Variants in SLC39A4 observed in about 807,000 individuals in gnomAD.
SLC39A4 encodes the protein solute carrier family 39 member 4.
In SLC39A4, 49 loss-of-function variants were observed where a neutral mutation model predicts 56.6. The ratio of observed to expected loss-of-function variants is 0.87; its 90% CI spans 0.69 to 1.10. The LOEUF (loss-of-function observed/expected upper bound fraction) is 1.10. Among genes scored for constraint, SLC39A4 ranks in the 50% least tolerant of loss-of-function variants. The pLI is 0.00. For synonymous variants in SLC39A4, 540 were observed against 420.4 expected (o/e 1.28, Z -3.48); for missense variants, 993 against 864.2 (o/e 1.15, Z -1.87).
At chr8:144,414,592 T>A in intron 5 of SLC39A4, 133 bp downstream of exon 5, 1 of 1,496,964 alleles carries the variant, frequency 6.7e-7, no homozygotes, top group South Asian at 1.3e-5. Flanking sequence ...CGACGCCACC[T>A]TCCCCTGTGT....
At chr8:144,413,141 C>T in intron 10 of SLC39A4, 96 bp downstream of exon 10, 4 of 1,508,222 alleles carry the variant, frequency 2.7e-6, no homozygotes, top group South Asian at 1.2e-5. Flanking sequence ...AGGTGCGGCC[C>T]CGCCCATCTT....
At position 144,412,875 on chromosome 8, in the gene SLC39A4, G is replaced by A; in HGVS notation, c.1699C>T (p.Leu567Phe). Reference protein sequence around the residue: ...QALLLNLASALTAFAGLYVAL... With the variant: ...QALLLNLASAFTAFAGLYVAL... ...ACGTAGAGACCAGCGAAGGCCGTGA[G>A]CGCGGAGGCCAGGTTCAGCAGCAGT... is the stretch of plus-strand genomic sequence containing the variant. The change falls in exon 11 of 12, where the codon CTC (leucine) becomes TTC (phenylalanine). Residue 567 changes from leucine to phenylalanine, a missense_variant. By Grantham distance (22) the Leu-to-Phe change is conservative. Coordinates refer to ENST00000301305, the MANE Select transcript of SLC39A4 (RefSeq NM_130849.4). 7 of 1,611,412 alleles carry A rather than the reference G, an allele frequency of 4.3e-6. No homozygotes were observed. Among genetic ancestry groups the A allele is most frequent in the Non-Finnish European group, 5.9e-6 (7 of 1,179,798 alleles).
Position 144,412,950 on chromosome 8 carries a change from C to T in SLC39A4, c.1628-4G>A, listed in dbSNP as rs1554872101. ...TGCAGCAAGGCGGCGAAGTCCCCTG[C>T]GGGCGAGTCCACATTAACAGCTCCG... On this transcript the variant is annotated splice_polypyrimidine_tract_variant and splice_region_variant and intron_variant, in intron 10 of 11. Transcript: ENST00000301305. 17 of 1,592,344 alleles carry T rather than the reference C, an allele frequency of 1.1e-5. No individual in the cohort carries two copies. Among genetic ancestry groups the T allele is most frequent in the Non-Finnish European group, 1.4e-5 (17 of 1,174,836 alleles).
At chr8:144,413,718 C>T in intron 8 of SLC39A4, 32 bp downstream of exon 8, 1 of 1,535,028 alleles carries the variant, frequency 6.5e-7, no homozygotes, top group Non-Finnish European at 8.7e-7. Context: ...GGAGGGGCTC[C>T]GCGTGGGATG....
At chr8:144,413,636 C>A in intron 8 of SLC39A4, 69 bp from the exon 9 acceptor site, 4 of 1,546,492 alleles carry the variant, frequency 2.6e-6, no homozygotes, top group Non-Finnish European at 3.5e-6. Flanking sequence ...GGCGGGGCCC[C>A]AGATCACCGC....
rs782604200 is a variant in SLC39A4, at chr8:144,416,686, C to G, written c.104G>C (p.Gly35Ala). Residue 35 changes from glycine to alanine, a missense_variant, in exon 1 of 12, where the codon GGC (glycine) becomes GCC (alanine). By Grantham distance (60) the Gly-to-Ala change is moderately conservative (BLOSUM62 0). Transcript: ENST00000301305. ...PAGLLSLLTS[G>A]QGALDQEALG... ...AGCCTCTTGATCCAGAGCGCCCTGG[C>G]CAGAGGTGAGCAGGCTCAGCAGACC... 6 of 1,612,284 alleles carry G rather than the reference C, an allele frequency of 3.7e-6. No individual in the cohort carries two copies. The Admixed American group carries it at 5.0e-5, about 13-fold the overall frequency.
chr8:144,414,129 TCCCAGGGCGCCTCCCA>T, intron 6 of SLC39A4, 34 bp from the exon 7 acceptor site: 1 of 1,544,014 alleles, frequency 6.5e-7, no homozygotes. Flanking sequence ...GGGGGGGAGG[TCCCAGGGCGCCTCCCA>T]CCAAGACCCA....
chr8:144,416,587 G>A lies in SLC39A4; in HGVS notation c.192+11C>T. On this transcript the variant is annotated intron_variant, in intron 1 of 11. Coordinates refer to ENST00000301305, the MANE Select transcript of SLC39A4 (RefSeq NM_130849.4). Reference sequence around the variant, plus strand: ...GCCAGGGCTGGGGGACCCGTCGGGTGGGGCTGTTACCTTTCCACACGGCCC... The same window carrying A: ...GCCAGGGCTGGGGGACCCGTCGGGTAGGGCTGTTACCTTTCCACACGGCCC... The A allele has an allele frequency of 5.7e-6, 9 of 1,570,328 alleles. No individual in the cohort carries two copies. The highest frequency in any genetic ancestry group is 7.8e-6 in the Non-Finnish European group (9 of 1,159,334).
At chr8:144,416,541 G>A in intron 1 of SLC39A4, 57 bp downstream of exon 1, 5 of 1,536,270 alleles carry the variant, frequency 3.3e-6, no homozygotes, top group South Asian at 2.4e-5. Context: ...CCGGCTGGCA[G>A]GGCGGAGCTG....
chr8:144,414,288 C>T lies in SLC39A4; in HGVS notation c.1123G>A (p.Asp375Asn), dbSNP rs781997650. The change falls in exon 6 of 12, where the codon GAC becomes AAC. Residue 375 changes from aspartate to asparagine, a missense_variant. By Grantham distance (23) the Asp-to-Asn change is conservative (BLOSUM62 1). Coordinates refer to ENST00000301305, the MANE Select transcript of SLC39A4 (RefSeq NM_130849.4). Reference protein sequence around the residue: ...LSLAVGAVTGDAVLHLTPKVL... With the variant: ...LSLAVGAVTGNAVLHLTPKVL... ...TTGGGCGTCAGATGCAGGACAGCGTCCCCAGTGACTGCACCCACTGCCAGG... is the reference window on the plus strand; with the variant it reads ...TTGGGCGTCAGATGCAGGACAGCGTTCCCAGTGACTGCACCCACTGCCAGG... 1.2e-6 allele frequency: 2 copies of T among 1,608,830 alleles called. No individual in the cohort carries two copies. The highest frequency in any genetic ancestry group is 2.7e-5 in the African/African-American group (2 of 74,872).
Position 144,415,261 on chromosome 8 carries a change from C to T in SLC39A4, c.633G>A (p.Gln211=). 1 of 1,613,260 alleles carries T rather than the reference C, an allele frequency of 6.2e-7. No individual in the cohort carries two copies. The highest frequency in any genetic ancestry group is 8.5e-7 in the Non-Finnish European group (1 of 1,179,872). ...TCATAGGGACCTCGCTGCTGTGCTG[C>T]TGGAACACAAAGTCCACGAAGTACT... The part of the protein sequence containing the change: ...SPQYFVDFVF[Q]QHSSEVPMTL... Residue 211 remains glutamine (Q), a synonymous_variant, in exon 3 of 12, where the codon CAG becomes CAA. Coordinates refer to ENST00000301305, the MANE Select transcript of SLC39A4 (RefSeq NM_130849.4).
intron 1 of SLC39A4, 136 bp downstream of exon 1, chr8:144,416,462 G>A: frequency 4.1e-6 from 6 of 1,466,426 alleles, no homozygotes; most frequent in Non-Finnish European, 5.4e-6. Flanking sequence ...CCTGTGGGGA[G>A]GGTCAGGGTG....
chr8:144,415,034 G>A lies in SLC39A4; in HGVS notation c.744C>T (p.Ala248=), dbSNP rs201676788. 7.8e-5 allele frequency: 126 copies of A among 1,611,634 alleles called. 1 individual carries two copies. The African/African-American group carries it at 1.3e-3, about 17-fold the overall frequency. The change falls in exon 4 of 12, where the codon GCC becomes GCT. Residue 248 remains alanine (A), a synonymous_variant. Coordinates refer to ENST00000301305, the MANE Select transcript of SLC39A4 (RefSeq NM_130849.4). ...HSDHSHRHRG[A]SSRDPVPLIS... The stretch of plus-strand genomic sequence containing the variant: ...TGAGGGGCACAGGGTCCCGGCTGCT[G>A]GCTCCCCTGTGCCGATGACTGTGGT...
rs1283834348 is a variant in SLC39A4, at chr8:144,412,613, C to A, written c.1869G>T (p.Leu623=). The A allele has an allele frequency of 8.1e-6, 13 of 1,614,032 alleles. No homozygotes were observed. The highest frequency in any genetic ancestry group is 1.0e-5 in the Non-Finnish European group (12 of 1,180,042). ...RDPRPWLLFL[L]HNVGLLGGWT... ...AGCCGCCCAGCAGGCCCACGTTGTG[C>A]AGCAGGAAGAGGAGCCAGGGCCGCG... The change falls in exon 12 of 12, where the codon CTG becomes CTT. Residue 623 remains leucine, a synonymous_variant. Coordinates refer to ENST00000301305, the MANE Select transcript of SLC39A4 (RefSeq NM_130849.4).
Position 144,416,101 on chromosome 8 carries a change from G to C in SLC39A4, c.193-10C>G, listed in dbSNP as rs374175065. On this transcript the variant is annotated splice_polypyrimidine_tract_variant and intron_variant, in intron 1 of 11. Coordinates refer to ENST00000301305, the MANE Select transcript of SLC39A4 (RefSeq NM_130849.4). The stretch of plus-strand genomic sequence containing the variant: ...CCTCCACAGACAGGCACTGTGGGCA[G>C]AGACAAGTGAGCAGGGGCGCTGGGC... 4.4e-6 allele frequency: 7 copies of C among 1,600,794 alleles called. No homozygotes were observed. Among genetic ancestry groups the C allele is most frequent in the Non-Finnish European group, 5.9e-6 (7 of 1,177,020 alleles).
chr8:144,415,925 G>T lies in SLC39A4; in HGVS notation c.359C>A (p.Ala120Asp). 6.3e-7 allele frequency: 1 copy of T among 1,595,698 alleles called. No homozygotes were observed. Among genetic ancestry groups the T allele is most frequent in the Non-Finnish European group, 8.5e-7 (1 of 1,173,762 alleles). Residue 120 changes from alanine (A) to aspartate (D), a missense_variant, in exon 2 of 12, where the codon GCC (alanine) becomes GAC (aspartate). Physicochemically the swap from Ala to Asp is moderately radical, Grantham distance 126. Transcript: ENST00000301305. ...GGCCAGGAGGTGGTCTGCATGAGAG[G>T]CCCAGAGGCCAGCCCGAGCGTCCTC... ...TCEDARAGLW[A>D]SHADHLLALL...
Position 144,413,528 on chromosome 8 carries a change from T to A in SLC39A4, c.1459A>T (p.Arg487Trp). ...ESPELLNPEP[R>W]RLSPELRLLP... ...CTGGGCTCACCTGGGCTCAGTCTCC[T>A]GGGCTCAGGGTTCAGCAGCTCCGGG... The change falls in exon 9 of 12, where the codon AGG becomes TGG. Residue 487 changes from arginine (R) to tryptophan (W), a missense_variant. By Grantham distance (101) the Arg-to-Trp change is moderately radical. Coordinates refer to ENST00000301305, the MANE Select transcript of SLC39A4 (RefSeq NM_130849.4). 6.4e-7 allele frequency: 1 copy of A among 1,556,826 alleles called. No homozygotes were observed. The highest frequency in any genetic ancestry group is 8.7e-7 in the Non-Finnish European group (1 of 1,150,242).
chr8:144,413,458 G>A, intron 9 of SLC39A4, 55 bp downstream of exon 9: 8 of 1,573,100 alleles, frequency 5.1e-6, no homozygotes, highest in Non-Finnish European at 6.9e-6. Context: ...CCCCACCCGC[G>A]CTCCACACAA....
chr8:144,414,414 C>G lies in SLC39A4; in HGVS notation c.997G>C (p.Ala333Pro). Residue 333 changes from alanine (A) to proline (P), a missense_variant, in exon 6 of 12, where the codon GCC (alanine) becomes CCC (proline). Ala to Pro is a conservative substitution (Grantham distance 27, BLOSUM62 -1). Coordinates refer to ENST00000301305, the MANE Select transcript of SLC39A4 (RefSeq NM_130849.4). ...QSERYLYGSL[A>P]TLLICLCAVF... ...GCGCAGAGGCAGATGAGCAGCGTGG[C>G]CAGGGAGCCGTACAGATACCCTGGG... is the stretch of plus-strand genomic sequence containing the variant. 6.4e-7 allele frequency: 1 copy of G among 1,562,158 alleles called. No homozygotes were observed. The highest frequency in any genetic ancestry group is 8.7e-7 in the Non-Finnish European group (1 of 1,153,554).
Sources: allele counts gnomAD v4.1 joint callset, GRCh38; gene constraint gnomAD v4.1.1; transcripts MANE v1.5; gene names NCBI Gene and HGNC (gene_info 2026-07-23, HGNC 2026-07-21).